The following PLCB3 variants were observed in gnomAD, a reference collection of about 807,000 sequenced individuals.
PLCB3 encodes the protein phospholipase C beta 3.
PLCB3 carries 54 observed loss-of-function variants against 152.1 expected under a neutral mutation model. That is an observed-to-expected ratio of 0.36 (90% CI 0.29 to 0.45). The LOEUF (loss-of-function observed/expected upper bound fraction) is 0.45, where lower values mean the gene tolerates loss of function less well. Among genes scored for constraint, PLCB3 ranks in the 20% least tolerant of loss-of-function variants. The pLI, the probability that PLCB3 is intolerant of heterozygous loss-of-function variation, is 1.00. For missense variants in PLCB3, 1,248 were observed against 1,687.5 expected (o/e 0.74, Z 4.56); for synonymous variants, 717 against 698.7 (o/e 1.03, Z -0.41).
At chr11:64,268,517 G>A (rs148799189), downstream of PLCB3, 2 of 152,300 alleles carry the variant, frequency 1.3e-5, no homozygotes, top group South Asian at 4.1e-4. Flanking sequence ...AGGAGACTGA[G>A]GCCCGGAGCC....
chr11:64,269,399 G>A (rs562915973), downstream of PLCB3, among the ~76,000 whole-genome samples: 288 of 152,370 alleles, frequency 1.9e-3, no homozygotes, highest in African/African-American at 6.7e-3. Flanking sequence ...CTGGAACGGA[G>A]CCCCCGCTCT....
Position 64,260,170 on chromosome 11 carries a change from A to T in PLCB3, c.1667A>T (p.Glu556Val). The change falls in exon 14 of 31, where the codon GAG becomes GTG. Residue 556 changes from glutamate (E) to valine (V), a missense_variant. This residue lies in a region of PLCB3 where 105 missense variants were observed against 100.9 expected (regional missense o/e 1.04). Coordinates refer to ENST00000279230, the MANE Select transcript of PLCB3 (RefSeq NM_000932.5). ...GPYVLGPADR[E>V]DEEEDEEEEE... Reference sequence around the variant, plus strand: ...TATGTTCTTGGACCTGCTGACCGTGAGGATGAGGAGGAAGATGAGGAAGAG... The same window carrying T: ...TATGTTCTTGGACCTGCTGACCGTGTGGATGAGGAGGAAGATGAGGAAGAG... 2 of 1,606,218 alleles carry T rather than the reference A, an allele frequency of 1.2e-6. No individual in the cohort carries two copies. Among genetic ancestry groups the T allele is most frequent in the Non-Finnish European group, 1.7e-6 (2 of 1,176,352 alleles).
chr11:64,254,562 G>C, intron 2 of PLCB3, 70 bp downstream of exon 2: 6 of 1,498,646 alleles, frequency 4.0e-6, no homozygotes, highest in South Asian at 1.1e-5. Context: ...CCTGCCCGTG[G>C]GGGTGGGGCC....
intron 10 of PLCB3, among the ~76,000 whole-genome samples, chr11:64,256,997 CTTTT>C (rs5792316): frequency 1.1e-4 from 7 of 61,558 alleles, no homozygotes; most frequent in Admixed American, 4.5e-4. Flanking sequence ...CTTCAGGGTC[CTTTT>C]TTTTTTTTTT....
intron 2 of PLCB3, 74 bp from the exon 3 acceptor site, chr11:64,254,674 G>T: frequency 6.5e-7 from 1 of 1,529,698 alleles, no homozygotes; most frequent in Middle Eastern, 2.3e-4. Context: ...CCCTGGCCTG[G>T]GTAGAGAGCT....
At position 64,255,666 on chromosome 11, in the gene PLCB3, AC is replaced by A; in HGVS notation, c.598-52del. On this transcript the variant is annotated intron_variant, in intron 7 of 30. Transcript: ENST00000279230. The surrounding 1 kb of genome is among the most constrained non-coding windows in gnomAD (Gnocchi z 6.8). ...GGGTGGGGTGTCACGGTGGGCACCC[AC>A]CCTTACGGGGCTGCCCGCCCCTGGC... 6.2e-7 allele frequency: 1 copy of A among 1,604,030 alleles called. No individual in the cohort carries two copies. Among genetic ancestry groups the A allele is most frequent in the South Asian group, 1.1e-5 (1 of 90,830 alleles).
rs566950570 is a variant in PLCB3, at chr11:64,259,506, C to G, written c.1525+262C>G. Among the ~76,000 whole-genome samples the G allele has an allele frequency of 1.6e-4, 25 of 152,252 alleles. 1 individual carries two copies. The South Asian group carries it at 5.2e-3, about 32-fold the overall frequency. ...CTCACCTCTCAGAGCCTTCCCACAA[C>G]CCGGTGATGGCTCTGAAGGCTGACC... On this transcript the variant is annotated intron_variant, in intron 13 of 30. Coordinates refer to ENST00000279230, the MANE Select transcript of PLCB3 (RefSeq NM_000932.5).
intron 1 of PLCB3, among the ~76,000 whole-genome samples, chr11:64,252,172 C>T (rs1247766977): frequency 3.3e-5 from 5 of 152,068 alleles, no homozygotes. Context: ...CCAGGGCGCC[C>T]CTACTCTCCC....
chr11:64,256,433 G>A lies in PLCB3; in HGVS notation c.756G>A (p.Gln252=), dbSNP rs1337150384. The change falls in exon 9 of 31, where the codon CAG becomes CAA. Residue 252 remains glutamine (Q), a synonymous_variant. Coordinates refer to ENST00000279230, the MANE Select transcript of PLCB3 (RefSeq NM_000932.5). ...TLEQLMDFIN[Q]KQRDPRLNEV... ...AGCAGCTCATGGACTTCATCAACCA[G>A]AAGCAACGCGACCCGAGACTCAACG... The A allele has an allele frequency of 1.2e-5, 20 of 1,613,758 alleles. No homozygotes were observed. Among genetic ancestry groups the A allele is most frequent in the Non-Finnish European group, 1.5e-5 (18 of 1,180,020 alleles).
At chr11:64,252,116 C>A (rs923528647) in intron 1 of PLCB3, among the ~76,000 whole-genome samples, 2 of 152,168 alleles carry the variant, frequency 1.3e-5, no homozygotes, top group Non-Finnish European at 1.5e-5. Context: ...GGCTGCAGGA[C>A]CCTGACTTCC....
chr11:64,254,370 C>T, intron 1 of PLCB3, 45 bp from the exon 2 acceptor site: 1 of 1,507,902 alleles, frequency 6.6e-7, no homozygotes, highest in Non-Finnish European at 9.2e-7. Context: ...AGGCCTGCAC[C>T]ACAGCCCTCA....
chr11:64,267,551 C>T lies in PLCB3; in HGVS notation c.3700C>T (p.Leu1234Phe), dbSNP rs1293000586. 1.9e-6 allele frequency: 3 copies of T among 1,562,160 alleles called. No individual in the cohort carries two copies. The highest frequency in any genetic ancestry group is 2.3e-5 in the South Asian group (2 of 85,734). ...DSESQEENTQ[L>F] ...GGAGAGCCAGGAGGAGAACACGCAGCTCTGAACTGGCTGAGCGAGGTGGCC... is the reference window on the plus strand; with the variant it reads ...GGAGAGCCAGGAGGAGAACACGCAGTTCTGAACTGGCTGAGCGAGGTGGCC... The change falls in exon 31 of 31, where the codon CTC (leucine) becomes TTC (phenylalanine). Residue 1234 changes from leucine (L) to phenylalanine (F), a missense_variant. Physicochemically the swap from Leu to Phe is conservative, Grantham distance 22. Transcript: ENST00000279230. This position sits in a 1 kb window ranked among gnomAD's most constrained non-coding sequence, Gnocchi z 5.2.
rs992764519 is a variant in PLCB3 at position 64,254,432 on chromosome 11, C to A, written c.117C>A (p.Asn39Lys). 6.2e-7 allele frequency: 1 copy of A among 1,613,956 alleles called. No individual in the cohort carries two copies. The highest frequency in any genetic ancestry group is 8.5e-7 in the Non-Finnish European group (1 of 1,179,946). ...GTCCTCAGGAGACCTCCAGTCGGAA[C>A]CTGGTGACCCTGCGTGTGGACCCCA... ...IKWDEETSSR[N>K]LVTLRVDPNG... is the part of the protein sequence containing the mutation. The change falls in exon 2 of 31, where the codon AAC (asparagine) becomes AAA (lysine). Residue 39 changes from asparagine (N) to lysine (K), a missense_variant. Around this residue, in one of 6 missense-constraint regions of PLCB3, gnomAD observed 299 missense variants for 434.7 expected, o/e 0.69. Transcript: ENST00000279230.
chr11:64,260,024 T>C lies in PLCB3; in HGVS notation c.1526-5T>C. The C allele has an allele frequency of 1.2e-6, 2 of 1,609,858 alleles. No homozygotes were observed. The highest frequency in any genetic ancestry group is 2.7e-5 in the African/African-American group (2 of 74,882). ...CCCCTCACCCTGTGGCCCTGTCCTC[T>C]GCAGGGTCTCCCAGCTCTGACAGCT... On this transcript the variant is annotated splice_polypyrimidine_tract_variant and splice_region_variant and intron_variant, in intron 13 of 30. Coordinates refer to ENST00000279230, the MANE Select transcript of PLCB3 (RefSeq NM_000932.5).
rs757958118 is a variant in PLCB3, at chr11:64,261,619, A to C, written c.1867A>C (p.Thr623Pro). 2 of 1,614,104 alleles carry C rather than the reference A, an allele frequency of 1.2e-6. No individual in the cohort carries two copies. Among genetic ancestry groups the C allele is most frequent in the Non-Finnish European group, 1.7e-6 (2 of 1,179,998 alleles). The change falls in exon 16 of 31, where the codon ACC becomes CCC. Residue 623 changes from threonine to proline, a missense_variant. By Grantham distance (38) the Thr-to-Pro change is conservative. Around this residue, in one of 6 missense-constraint regions of PLCB3, gnomAD observed 244 missense variants for 424.4 expected, o/e 0.57. Transcript: ENST00000279230. Reference sequence around the variant, plus strand: ...CTTCGAGATGTCGTCCTTTGTGGAGACCAAGGCCATGGAGCAACTGACCAA... The same window carrying C: ...CTTCGAGATGTCGTCCTTTGTGGAGCCCAAGGCCATGGAGCAACTGACCAA... ...KCFEMSSFVE[T>P]KAMEQLTKSP...
At chr11:64,265,258 C>A (rs2855385) in intron 24 of PLCB3, 31 bp downstream of exon 24, 2 of 1,589,734 alleles carry the variant, frequency 1.3e-6, no homozygotes, top group Admixed American at 1.7e-5. Flanking sequence ...AGGCAGGGGG[C>A]TGCCTTGCAG....
At position 64,267,493 on chromosome 11, in the gene PLCB3, C is replaced by T. The variant is rs750607561; in HGVS notation, c.3642C>T (p.Pro1214=). The part of the protein sequence containing the change: ...LVACASNGHA[P]GSSGHLSGAD... ...CCTGTGCCAGCAACGGTCACGCACC[C>T]GGGAGCAGCGGGCACCTGTCGGGCG... The change falls in exon 31 of 31, where the codon CCC becomes CCT. Residue 1214 remains proline, a synonymous_variant. Transcript: ENST00000279230. This position sits in a 1 kb window ranked among gnomAD's most constrained non-coding sequence, Gnocchi z 5.2. 112 of 1,568,726 alleles carry T rather than the reference C, an allele frequency of 7.1e-5. No homozygotes were observed. Among genetic ancestry groups the T allele is most frequent in the Middle Eastern group, 1.7e-4 (1 of 5,888 alleles).
At chr11:64,269,319 G>A (rs998436693), downstream of PLCB3, among the ~76,000 whole-genome samples, 6 of 152,252 alleles carry the variant, frequency 3.9e-5, no homozygotes, top group African/African-American at 7.2e-5. Context: ...GAGCAGGGCC[G>A]TGGCGCAATG....
At chr11:64,252,062 A>G (rs532469449) in intron 1 of PLCB3, among the ~76,000 whole-genome samples, 20 of 151,862 alleles carry the variant, frequency 1.3e-4, no homozygotes, top group African/African-American at 4.8e-4. Flanking sequence ...TCGTTCCCCG[A>G]TCCTGGCCTG....
Sources: allele counts gnomAD v4.1 joint callset (sites outside exome capture counted in the v4.1 genomes callset), GRCh38; gene constraint gnomAD v4.1.1; regional missense constraint gnomAD v4.1.1; non-coding constraint Gnocchi (gnomAD v3.1); transcripts MANE v1.5; gene names NCBI Gene and HGNC (gene_info 2026-07-23, HGNC 2026-07-21).